The following E2F8 variants were observed in gnomAD, a reference collection of about 807,000 sequenced individuals.
E2F8 encodes E2F transcription factor 8.
Under a neutral mutation model 80.8 loss-of-function variants are expected in E2F8, and 35 were observed. That is an observed-to-expected ratio of 0.43 (90% CI 0.33 to 0.57). The LOEUF is 0.57. Ranked by LOEUF, E2F8 falls within the 20% of genes least tolerant of loss-of-function variation. E2F8 has a pLI of 0.04. For synonymous variants in E2F8, 386 were observed against 395.0 expected (o/e 0.98, Z 0.27); for missense variants, 975 against 1,056.2 (o/e 0.92, Z 1.07).
upstream of E2F8, among the ~76,000 whole-genome samples, chr11:19,241,202 G>T (rs1851655679): frequency 6.6e-6 from 1 of 152,138 alleles, no homozygotes; most frequent in Admixed American, 6.5e-5. The surrounding 1 kb of genome is among the most constrained non-coding windows in gnomAD (Gnocchi z 4.5). Context: ...CCTGAGCGCG[G>T]GCAAACCCGC....
Position 19,231,888 on chromosome 11 carries a change from C to T in E2F8, c.1066+346G>A, listed in dbSNP as rs574561357. ...TCATATATATCTTTTCCATGTGGGGCGGTGAGTAGGAAGGGGAAGGGAAAA... is the reference window on the plus strand; with the variant it reads ...TCATATATATCTTTTCCATGTGGGGTGGTGAGTAGGAAGGGGAAGGGAAAA... On this transcript the variant is annotated intron_variant, in intron 7 of 12. Transcript: ENST00000250024. Among the ~76,000 whole-genome samples, 6 of 151,962 alleles carry T rather than the reference C, an allele frequency of 3.9e-5. No homozygotes were observed. The South Asian group carries it at 8.4e-4, about 21-fold the overall frequency.
At chr11:19,234,223 C>A in intron 6 of E2F8, 137 bp downstream of exon 6, 1 of 859,946 alleles carries the variant, frequency 1.2e-6, no homozygotes, top group Non-Finnish European at 1.7e-6. Flanking sequence ...ATCATGGCTT[C>A]TGGGGAGAAG....
intron 2 of E2F8, among the ~76,000 whole-genome samples, chr11:19,239,445 T>G (rs1590132561): frequency 6.6e-6 from 1 of 152,174 alleles, no homozygotes. Context: ...TTAGGAAATA[T>G]GCATGTAAGT....
Position 19,229,733 on chromosome 11 carries a change from T to A in E2F8, c.1614A>T (p.Gln538His). ...TGGTGCACACCGTTGGGCTCAGGCCTTGGGGTGGCGTCACACTTTGGTGGG... is the reference window on the plus strand; with the variant it reads ...TGGTGCACACCGTTGGGCTCAGGCCATGGGGTGGCGTCACACTTTGGTGGG... ...TQAHQSVTPPQGLSPTVCTTH... is the reference protein window; with the variant it reads ...TQAHQSVTPPHGLSPTVCTTH... The change falls in exon 10 of 13, where the codon CAA becomes CAT. Residue 538 changes from glutamine (Q) to histidine (H), a missense_variant. By Grantham distance (24) the Gln-to-His change is conservative. Coordinates refer to ENST00000250024, the MANE Select transcript of E2F8 (RefSeq NM_024680.4). This position sits in a 1 kb window ranked among gnomAD's most constrained non-coding sequence, Gnocchi z 4.3. 1.2e-6 allele frequency: 2 copies of A among 1,614,176 alleles called. No individual in the cohort carries two copies. Among genetic ancestry groups the A allele is most frequent in the East Asian group, 2.2e-5 (1 of 44,874 alleles).
Position 19,231,165 on chromosome 11 carries a change from T to C in E2F8, c.1067-331A>G, listed in dbSNP as rs571908254. On this transcript the variant is annotated intron_variant, in intron 7 of 12. Transcript: ENST00000250024. ...GTGAAGTCTTAGATCTGATGAAATA[T>C]GGGTGATCCTCACAGCTCCATGAGG... 2.6e-5 allele frequency among the ~76,000 whole-genome samples: 4 copies of C among 152,310 alleles called. No homozygotes were observed. In the East Asian group the frequency reaches 7.7e-4, roughly 29 times the overall value.
Position 19,230,709 on chromosome 11 carries a change from T to C in E2F8, c.1192A>G (p.Ile398Val). 1 of 1,614,200 alleles carries C rather than the reference T, an allele frequency of 6.2e-7. No individual in the cohort carries two copies. Among genetic ancestry groups the C allele is most frequent in the Non-Finnish European group, 8.5e-7 (1 of 1,180,034 alleles). ...CTTTCTATACTCTTTACCAATTTGA[T>C]AAGAGATGGGTGTCGAGTAAAGTTT... ...KPNFTRHPSLIKLVKSIESDR... is the reference protein window; with the variant it reads ...KPNFTRHPSLVKLVKSIESDR... The change falls in exon 8 of 13, where the codon ATC becomes GTC. Residue 398 changes from isoleucine (I) to valine (V), a missense_variant. Transcript: ENST00000250024.
chr11:19,234,313 A>C (rs748379208), intron 6 of E2F8, 47 bp downstream of exon 6: 1 of 1,595,578 alleles, frequency 6.3e-7, no homozygotes, highest in Non-Finnish European at 8.5e-7. Flanking sequence ...CTGAGATTTT[A>C]TTGTTTAAGA....
chr11:19,235,664 AAC>A (rs1208096574), intron 4 of E2F8, among the ~76,000 whole-genome samples: 4 of 75,734 alleles, frequency 5.3e-5, no homozygotes, highest in African/African-American at 2.4e-4. Flanking sequence ...CAAACAAACA[AAC>A]AAAAAAAAAA....
chr11:19,230,728 A>G lies in E2F8; in HGVS notation c.1173T>C (p.Phe391=). 6.2e-7 allele frequency: 1 copy of G among 1,614,176 alleles called. No homozygotes were observed. Among genetic ancestry groups the G allele is most frequent in the South Asian group, 1.1e-5 (1 of 91,078 alleles). Residue 391 remains phenylalanine (F), a synonymous_variant, in exon 8 of 13, where the codon TTT becomes TTC. Transcript: ENST00000250024. ...NLFSTRGKPN[F]TRHPSLIKLV... is the part of the protein sequence containing the mutation. ...ATTTGATAAGAGATGGGTGTCGAGT[A>G]AAGTTTGGTTTCCCACGTGTGGAAA...
rs767455024 is a variant in E2F8 at position 19,230,691 on chromosome 11, T to C, written c.1210A>G (p.Ile404Val). 6.2e-7 allele frequency: 1 copy of C among 1,614,222 alleles called. No homozygotes were observed. Among genetic ancestry groups the C allele is most frequent in the South Asian group, 1.1e-5 (1 of 91,092 alleles). The part of the protein sequence containing the change: ...HPSLIKLVKS[I>V]ESDRRKINSA... Reference sequence around the variant, plus strand: ...TTTATCTTTCTCCGATCACTTTCTATACTCTTTACCAATTTGATAAGAGAT... The same window carrying C: ...TTTATCTTTCTCCGATCACTTTCTACACTCTTTACCAATTTGATAAGAGAT... Residue 404 changes from isoleucine (I) to valine (V), a missense_variant, in exon 8 of 13, where the codon ATA becomes GTA. Transcript: ENST00000250024.
At position 19,234,837 on chromosome 11, in the gene E2F8, T is replaced by C. The variant is rs748178268; in HGVS notation, c.673A>G (p.Ser225Gly). Residue 225 changes from serine (S) to glycine (G), a missense_variant, in exon 5 of 13, where the codon AGT becomes GGT. Ser to Gly is a moderately conservative substitution (Grantham distance 56). Coordinates refer to ENST00000250024, the MANE Select transcript of E2F8 (RefSeq NM_024680.4). ...EQEFDFIKSYSIEDHIIKSNT... is the reference protein window; with the variant it reads ...EQEFDFIKSYGIEDHIIKSNT... The stretch of plus-strand genomic sequence containing the variant: ...GATTTGATGATATGATCCTCTATAC[T>C]GTAACTCTTAATAAAGTCAAACTCT... The C allele has an allele frequency of 6.2e-6, 10 of 1,614,130 alleles. No homozygotes were observed. Among genetic ancestry groups the C allele is most frequent in the South Asian group, 4.4e-5 (4 of 91,094 alleles).
At position 19,229,542 on chromosome 11, in the gene E2F8, C is replaced by A; in HGVS notation, c.1805G>T (p.Arg602Ile). 1 of 1,614,256 alleles carries A rather than the reference C, an allele frequency of 6.2e-7. No individual in the cohort carries two copies. The highest frequency in any genetic ancestry group is 8.5e-7 in the Non-Finnish European group (1 of 1,180,052). ...GAGCATGCTTGCCCTCTTTGAGCCT[C>A]TTTCTCCAGCTGGCTCCCTGGTTCG... is the stretch of plus-strand genomic sequence containing the variant. ...KSRTREPAGE[R>I]GSKRASMLED... Residue 602 changes from arginine to isoleucine, a missense_variant, in exon 10 of 13, where the codon AGA becomes ATA. Physicochemically the swap from Arg to Ile is moderately conservative, Grantham distance 97. Transcript: ENST00000250024. This position sits in a 1 kb window ranked among gnomAD's most constrained non-coding sequence, Gnocchi z 4.3.
chr11:19,228,926 T>C (rs1301260623), intron 10 of E2F8, among the ~76,000 whole-genome samples: 2 of 152,242 alleles, frequency 1.3e-5, no homozygotes, highest in Non-Finnish European at 2.9e-5. Flanking sequence ...ACATGAACTA[T>C]ATCTACAATT....
Position 19,229,870 on chromosome 11 carries a change from G to C in E2F8, c.1477C>G (p.Pro493Ala). 6.2e-7 allele frequency: 1 copy of C among 1,614,074 alleles called. No individual in the cohort carries two copies. Among genetic ancestry groups the C allele is most frequent in the Non-Finnish European group, 8.5e-7 (1 of 1,180,010 alleles). The stretch of plus-strand genomic sequence containing the variant: ...GGGATCAGGGGAACCATTCCCAGGG[G>C]CTGGATGAGGGACGGTGCTGTCAGC... The part of the protein sequence containing the change: ...MELTAPSLIQ[P>A]LGMVPLIPSP... Residue 493 changes from proline to alanine, a missense_variant, in exon 10 of 13, where the codon CCC becomes GCC. Pro to Ala is a conservative substitution (Grantham distance 27, BLOSUM62 -1). Transcript: ENST00000250024. The surrounding 1 kb of genome is among the most constrained non-coding windows in gnomAD (Gnocchi z 4.3).
rs1258243361 is a variant in E2F8, at chr11:19,229,951, A to C, written c.1396T>G (p.Ser466Ala). The C allele has an allele frequency of 6.2e-7, 1 of 1,613,826 alleles. No homozygotes were observed. Among genetic ancestry groups the C allele is most frequent in the East Asian group, 2.2e-5 (1 of 44,900 alleles). Residue 466 changes from serine (S) to alanine (A), a missense_variant, in exon 10 of 13, where the codon TCT becomes GCT. Coordinates refer to ENST00000250024, the MANE Select transcript of E2F8 (RefSeq NM_024680.4). The surrounding 1 kb of genome is among the most constrained non-coding windows in gnomAD (Gnocchi z 4.3). ...GGGGCTACTGGTTTGCAGGGTCCAG[A>C]TCTTGCCAGCTGTACTTTCACTTTC... Reference protein sequence around the residue: ...RQKVKVQLARSGPCKPVAPLD... With the variant: ...RQKVKVQLARAGPCKPVAPLD...
upstream of E2F8, among the ~76,000 whole-genome samples, chr11:19,241,157 G>T (rs574764749): frequency 6.6e-6 from 1 of 152,220 alleles, no homozygotes; most frequent in African/African-American, 2.4e-5. This position sits in a 1 kb window ranked among gnomAD's most constrained non-coding sequence, Gnocchi z 4.5. Context: ...CGGAAAGTCG[G>T]ACCGTGGCCG....
chr11:19,225,148 C>T, intron 12 of E2F8, 73 bp downstream of exon 12: 1 of 1,534,264 alleles, frequency 6.5e-7, no homozygotes, highest in South Asian at 1.3e-5. Context: ...AAGCAAAAGC[C>T]AATCTCTTAT....
Position 19,232,729 on chromosome 11 carries a change from A to G in E2F8, c.929-358T>C, listed in dbSNP as rs563151308. 1.2e-3 allele frequency among the ~76,000 whole-genome samples: 176 copies of G among 152,314 alleles called. 1 individual carries two copies. Among genetic ancestry groups the G allele is most frequent in the African/African-American group, 4.1e-3 (170 of 41,576 alleles). On this transcript the variant is annotated intron_variant, in intron 6 of 12. Coordinates refer to ENST00000250024, the MANE Select transcript of E2F8 (RefSeq NM_024680.4). ...AATGAGGATTCAGAAGAATTTTATG[A>G]GCAGAGAAGTAAAAGTATCTGTGAT...
Position 19,234,971 on chromosome 11 carries a change from C to T in E2F8, c.539G>A (p.Trp180Ter). Reference sequence around the variant, plus strand: ...TTTGTTGAGATTGTGTCGCCCGTGCCAAGTGTACCTGTTTTTGGCGAGGCG... The same window carrying T: ...TTTGTTGAGATTGTGTCGCCCGTGCTAAGTGTACCTGTTTTTGGCGAGGCG... The part of the protein sequence containing the change: ...VSRLAKNRYT[W>*]HGRHNLNKTL... Residue 180 changes from tryptophan to a stop codon, truncating the protein, a stop_gained, in exon 5 of 13, where the codon TGG becomes TAG. Transcript: ENST00000250024. LOFTEE classifies it high-confidence loss of function. The T allele has an allele frequency of 2.5e-6, 4 of 1,614,196 alleles. No homozygotes were observed. The highest frequency in any genetic ancestry group is 3.4e-6 in the Non-Finnish European group (4 of 1,180,044).
Sources: gnomAD v4.1 joint callset for allele counts (sites outside exome capture counted in the v4.1 genomes callset) on GRCh38, gnomAD v4.1.1 for gene constraint, Gnocchi (gnomAD v3.1) non-coding constraint, MANE v1.5 for transcripts, NCBI Gene and HGNC (gene_info 2026-07-23, HGNC 2026-07-21) for gene names.